PLSCR3: variants seen among roughly 807,000 people sequenced by gnomAD.
PLSCR3 encodes the protein phospholipid scramblase 3.
A neutral mutation model predicts 33.7 loss-of-function variants in PLSCR3; 17 were observed. The observed-to-expected ratio is 0.50, with a 90% CI of 0.35 to 0.76. The LOEUF is 0.76. Among genes scored for constraint, PLSCR3 ranks in the 30% least tolerant of loss-of-function variants. PLSCR3 has a pLI of 0.01. For synonymous variants in PLSCR3, 166 were observed against 166.0 expected (o/e 1.00, Z 0.00); for missense variants, 360 against 394.1 (o/e 0.91, Z 0.73).
chr17:7,393,287 C>T lies in PLSCR3; in HGVS notation c.364G>A (p.Glu122Lys), dbSNP rs759634844. Residue 122 changes from glutamate (E) to lysine (K), a missense_variant, in exon 5 of 8, where the codon GAG (glutamate) becomes AAG (lysine). Transcript: ENST00000619711. ...AGQPLGQAAE[E>K]SNCCARLCCG... ...CACAGACGGGCGCAGCAGTTGCTCT[C>T]CTCGGCCGCCTGACCCAGGGGCTGC... The T allele has an allele frequency of 3.1e-6, 5 of 1,609,162 alleles. No homozygotes were observed. The Admixed American group carries it at 6.7e-5, about 21-fold the overall frequency.
chr17:7,393,879 G>T, intron 2 of PLSCR3, 43 bp from the exon 3 acceptor site: 2 of 1,250,186 alleles, frequency 1.6e-6, no homozygotes, highest in Non-Finnish European at 1.1e-6. Flanking sequence ...AGGGACTCAA[G>T]GCCTCATCCC....
rs1408155912 is a variant in PLSCR3, at chr17:7,390,619, G to A, written c.831+15C>T. ...AAGGACAGGCAGGAGGTGGGGGCAG[G>A]GGCAGCCAACTCACAATGAGGAATG... On this transcript the variant is annotated intron_variant, in intron 7 of 7. Coordinates refer to ENST00000619711, the MANE Select transcript of PLSCR3 (RefSeq NM_020360.4). 1.2e-6 allele frequency: 2 copies of A among 1,613,426 alleles called. No individual in the cohort carries two copies. Among genetic ancestry groups the A allele is most frequent in the Admixed American group, 1.7e-5 (1 of 60,012 alleles).
At chr17:7,393,112 GCCCGCCCTCCC>G in intron 5 of PLSCR3, 21 bp downstream of exon 5, 33 of 1,255,860 alleles carry the variant, frequency 2.6e-5, no homozygotes, top group Non-Finnish European at 3.2e-5. Context: ...CCCCACCAAG[GCCCGCCCTCCC>G]GGCCCCCTCC....
rs956830661 is a variant in PLSCR3 at position 7,389,992 on chromosome 17, G to A, written c.*393C>T. On this transcript the variant is annotated 3_prime_UTR_variant, in exon 8 of 8. Transcript: ENST00000619711. The stretch of plus-strand genomic sequence containing the variant: ...AGATGCTAGGCAGCGGCGGGGGGGC[G>A]GTGGCTATATCCACCGTCTTTGGTG... 2 of 171,756 alleles carry A rather than the reference G, an allele frequency of 1.2e-5. No individual in the cohort carries two copies. The highest frequency in any genetic ancestry group is 2.5e-5 in the Non-Finnish European group (2 of 80,398). 10.6% of individuals were successfully genotyped at this position (171,756 alleles called of 1,614,324 possible).
chr17:7,392,993 G>T lies in PLSCR3; in HGVS notation c.508-41C>A, dbSNP rs771691168. The T allele has an allele frequency of 3.8e-6, 6 of 1,577,380 alleles. No individual in the cohort carries two copies. The South Asian group carries it at 4.7e-5, about 12-fold the overall frequency. ...AGACAGGGTCACTGCGGAGGCAGGG[G>T]TCCCAGCTCTATCATCTGTCTATTT... On this transcript the variant is annotated intron_variant, in intron 5 of 7. Transcript: ENST00000619711.
intron 5 of PLSCR3, 32 bp downstream of exon 5, chr17:7,393,112 G>GGCCCCCCCCCCCC: frequency 8.0e-7 from 1 of 1,256,038 alleles, no homozygotes; most frequent in Non-Finnish European, 1.1e-6. Context: ...CCCCACCAAG[G>GGCCCCCCCCCCCC]CCCGCCCTCC....
In PLSCR3 at chr17:7,393,671, A is replaced by G. The variant is rs1326611524; in HGVS notation, c.173T>C (p.Val58Ala). The G allele has an allele frequency of 6.2e-7, 1 of 1,601,918 alleles. No homozygotes were observed. Among genetic ancestry groups the G allele is most frequent in the African/African-American group, 1.3e-5 (1 of 74,600 alleles). ...GAAGGGGGCAGCAGACCCCAAGGCCACGGGGCCAGGCGAGGGGAAGAGGGC... is the reference window on the plus strand; with the variant it reads ...GAAGGGGGCAGCAGACCCCAAGGCCGCGGGGCCAGGCGAGGGGAAGAGGGC... ...GFALFPSPGP[V>A]ALGSAAPFLP... Residue 58 changes from valine (V) to alanine (A), a missense_variant, in exon 3 of 8, where the codon GTG (valine) becomes GCG (alanine). Coordinates refer to ENST00000619711, the MANE Select transcript of PLSCR3 (RefSeq NM_020360.4).
At position 7,393,382 on chromosome 17, in the gene PLSCR3, G is replaced by A. The variant is rs775374362; in HGVS notation, c.287-18C>T. The A allele has an allele frequency of 6.2e-7, 1 of 1,613,488 alleles. No individual in the cohort carries two copies. Among genetic ancestry groups the A allele is most frequent in the East Asian group, 2.2e-5 (1 of 44,882 alleles). On this transcript the variant is annotated intron_variant, in intron 4 of 7. Coordinates refer to ENST00000619711, the MANE Select transcript of PLSCR3 (RefSeq NM_020360.4). ...TAGGAACGCTGCCCGAGGTGACACG[G>A]GGAGACTCGTAGAGCCTCGCGCGCC...
In PLSCR3 at chr17:7,394,063, TG is replaced by T. The variant is rs756551827; in HGVS notation, c.7+40del. ...TGTTCAAACCCGGCTCCCAAGTCCGTGGGGGGGATAACGGAGACCCCCAGAC... is the reference window on the plus strand; with the variant it reads ...TGTTCAAACCCGGCTCCCAAGTCCGTGGGGGGATAACGGAGACCCCCAGAC... On this transcript the variant is annotated intron_variant, in intron 2 of 7. Coordinates refer to ENST00000619711, the MANE Select transcript of PLSCR3 (RefSeq NM_020360.4). This position sits in a 1 kb window ranked among gnomAD's most constrained non-coding sequence, Gnocchi z 5.3. 9 of 1,604,334 alleles carry T rather than the reference TG, an allele frequency of 5.6e-6. No individual in the cohort carries two copies. The highest frequency in any genetic ancestry group is 1.1e-5 in the South Asian group (1 of 90,312).
chr17:7,394,219 G>A lies in PLSCR3; in HGVS notation c.-109C>T. 9.2e-7 allele frequency: 1 copy of A among 1,092,754 alleles called. No homozygotes were observed. The highest frequency in any genetic ancestry group is 1.4e-6 in the Non-Finnish European group (1 of 734,952). 67.7% of individuals were successfully genotyped at this position (1,092,754 alleles called of 1,614,324 possible). ...AGACACAGAGACAGACACAAAGACG[G>A]AGAGGCAGCTGCGCCCGGCGCCGGC... On this transcript the variant is annotated 5_prime_UTR_variant, in exon 2 of 8. Coordinates refer to ENST00000619711, the MANE Select transcript of PLSCR3 (RefSeq NM_020360.4). The surrounding 1 kb of genome is among the most constrained non-coding windows in gnomAD (Gnocchi z 5.3).
rs1299124146 is a variant in PLSCR3, at chr17:7,393,742, C to T, written c.102G>A (p.Gly34=). 3 of 1,516,774 alleles carry T rather than the reference C, an allele frequency of 2.0e-6. No homozygotes were observed. In the South Asian group the frequency reaches 3.7e-5, roughly 19 times the overall value. The allele number at this position is 1,516,774 out of a possible 1,614,324, so 94.0% of individuals were successfully genotyped here. Residue 34 remains glycine (G), a synonymous_variant, in exon 3 of 8, where the codon GGG becomes GGA. Transcript: ENST00000619711. ...YPEPALHPGP[G]QAPVPAQVPA... is the part of the protein sequence containing the mutation. ...GTACCTGGGCGGGCACTGGCGCCTG[C>T]CCGGGCCCAGGATGTAGCGCCGGCT... is the stretch of plus-strand genomic sequence containing the variant.
In PLSCR3 at chr17:7,390,417, C is replaced by T; in HGVS notation, c.856G>A (p.Gly286Arg). 6.4e-7 allele frequency: 1 copy of T among 1,563,542 alleles called. No individual in the cohort carries two copies. The highest frequency in any genetic ancestry group is 8.7e-7 in the Non-Finnish European group (1 of 1,152,848). The change falls in exon 8 of 8, where the codon GGA becomes AGA. Residue 286 changes from glycine to arginine, a missense_variant. By Grantham distance (125) the Gly-to-Arg change is moderately radical. Transcript: ENST00000619711. ...LIDYMFFEKR[G>R]GAGPSAVTS The stretch of plus-strand genomic sequence containing the variant: ...GTGACGGCAGAGGGCCCAGCGCCTC[C>T]TCGCTTCTCAAAGAACATGTAGTCC...
At chr17:7,392,244 G>T (rs562522594) in intron 6 of PLSCR3, among the ~76,000 whole-genome samples, 1 of 152,288 alleles carries the variant, frequency 6.6e-6, no homozygotes, top group Non-Finnish European at 1.5e-5. Flanking sequence ...GAGTGCCTTT[G>T]TCTTCTAGAA....
intron 6 of PLSCR3, 50 bp downstream of exon 6, chr17:7,392,741 G>T: frequency 2.6e-6 from 4 of 1,550,188 alleles, no homozygotes; most frequent in South Asian, 1.1e-5. Context: ...CCTCATGGAA[G>T]CATCATCTTG....
At position 7,393,252 on chromosome 17, in the gene PLSCR3, G is replaced by A. The variant is rs1417596435; in HGVS notation, c.399C>T (p.Ala133=). The A allele has an allele frequency of 6.3e-7, 1 of 1,596,400 alleles. No individual in the cohort carries two copies. ...CCAGGCGGACACGCAGCGGCCGGCG[G>A]GCGCCACAGCACAGACGGGCGCAGC... ...SNCCARLCCG[A]RRPLRVRLAD... is the part of the protein sequence containing the mutation. The change falls in exon 5 of 8, where the codon GCC becomes GCT. Residue 133 remains alanine, a synonymous_variant. Coordinates refer to ENST00000619711, the MANE Select transcript of PLSCR3 (RefSeq NM_020360.4).
At position 7,391,224 on chromosome 17, in the gene PLSCR3, A is replaced by G. The variant is rs546762351; in HGVS notation, c.670-429T>C. Among the ~76,000 whole-genome samples the G allele has an allele frequency of 2.0e-5, 3 of 152,340 alleles. No individual in the cohort carries two copies. The East Asian group carries it at 5.8e-4, about 29-fold the overall frequency. ...ACAAAGTAACCTGGCCAAAAGGGCA[A>G]GGAAAGCTACTGGAATTCTGGCTGT... is the stretch of plus-strand genomic sequence containing the variant. On this transcript the variant is annotated intron_variant, in intron 6 of 7. Transcript: ENST00000619711. This position sits in a 1 kb window ranked among gnomAD's most constrained non-coding sequence, Gnocchi z 4.1.
Position 7,393,360 on chromosome 17 carries a change from G to T in PLSCR3, c.291C>A (p.Phe97Leu). ...IHQKAERVET[F>L]LGWETCNRYE... ...ACCGATTACAGGTCTCCCAGCCTAG[G>T]AACGCTGCCCGAGGTGACACGGGGA... The change falls in exon 5 of 8, where the codon TTC (phenylalanine) becomes TTA (leucine). Residue 97 changes from phenylalanine to leucine, a missense_variant. By Grantham distance (22) the Phe-to-Leu change is conservative. Coordinates refer to ENST00000619711, the MANE Select transcript of PLSCR3 (RefSeq NM_020360.4). 1 of 1,613,530 alleles carries T rather than the reference G, an allele frequency of 6.2e-7. No homozygotes were observed. The highest frequency in any genetic ancestry group is 1.1e-5 in the South Asian group (1 of 91,088).
At chr17:7,392,209 CAAAA>C (rs750121876) in intron 6 of PLSCR3, among the ~76,000 whole-genome samples, 17 of 151,944 alleles carry the variant, frequency 1.1e-4, no homozygotes, top group Non-Finnish European at 1.3e-4. Flanking sequence ...AAAAAACAAA[CAAAA>C]AAAGAACTCA....
chr17:7,390,584 A>G lies in PLSCR3; in HGVS notation c.831+50T>C, dbSNP rs768003834. ...AGGCCAGGAAATGCATAAAGCTTCA[A>G]ATGACAGCAAAGGACAGGCAGGAGG... On this transcript the variant is annotated intron_variant, in intron 7 of 7. Transcript: ENST00000619711. The G allele has an allele frequency of 3.7e-6, 6 of 1,607,258 alleles. No individual in the cohort carries two copies. The South Asian group carries it at 5.5e-5, about 15-fold the overall frequency.
Sources: allele counts gnomAD v4.1 joint callset (sites outside exome capture counted in the v4.1 genomes callset), GRCh38; gene constraint gnomAD v4.1.1; non-coding constraint Gnocchi (gnomAD v3.1); transcripts MANE v1.5; gene names NCBI Gene and HGNC (gene_info 2026-07-23, HGNC 2026-07-21).